The following PATJ variants were observed in gnomAD, a reference collection of about 807,000 sequenced individuals.
PATJ encodes PATJ crumbs cell polarity complex component.
PATJ carries 190 observed loss-of-function variants against 224.9 expected under a neutral mutation model. The observed-to-expected ratio is 0.84, with a 90% CI of 0.75 to 0.95. The LOEUF (loss-of-function observed/expected upper bound fraction) is 0.95. Ranked by LOEUF, PATJ falls within the 40% of genes least tolerant of loss-of-function variation. The probability of loss-of-function intolerance (pLI) is 0.00; values close to 1 mark genes in which losing one functional copy is unlikely to be tolerated. For synonymous variants in PATJ, 769 were observed against 820.3 expected (o/e 0.94, Z 1.07); for missense variants, 2,121 against 2,270.3 (o/e 0.93, Z 1.34).
At chr1:61,868,162 A>G (rs976593476) in intron 20 of PATJ, among the ~76,000 whole-genome samples, 7 of 152,254 alleles carry the variant, frequency 4.6e-5, no homozygotes, top group African/African-American at 1.7e-4. Context: ...CACAACACAC[A>G]ATTTACCATT....
chr1:61,906,875 T>G (rs368226952), intron 24 of PATJ, among the ~76,000 whole-genome samples: 1 of 152,152 alleles, frequency 6.6e-6, no homozygotes, highest in South Asian at 2.1e-4. Flanking sequence ...CAGTCTCCAG[T>G]TTTTATAAGT....
chr1:61,920,588 C>T (rs1383199313), intron 26 of PATJ, among the ~76,000 whole-genome samples: 2 of 152,002 alleles, frequency 1.3e-5, no homozygotes, highest in African/African-American at 4.8e-5. Flanking sequence ...TCACTGAAAC[C>T]ATGTTGACTT....
At chr1:61,872,738 A>T (rs551409311) in intron 20 of PATJ, among the ~76,000 whole-genome samples, 2 of 152,176 alleles carry the variant, frequency 1.3e-5, no homozygotes, top group African/African-American at 4.8e-5. Flanking sequence ...AAATACCCCT[A>T]AGGAAAATCC....
At chr1:62,094,558 A>AACACACACAC (rs58104906) in intron 33 of PATJ, among the ~76,000 whole-genome samples, 105 of 132,530 alleles carry the variant, frequency 7.9e-4, no homozygotes, top group African/African-American at 2.6e-3. Flanking sequence ...ATTCTGTCTC[A>AACACACACAC]ACACACACAC....
At chr1:61,815,893 T>G (rs1175438439) in intron 14 of PATJ, among the ~76,000 whole-genome samples, 6 of 152,174 alleles carry the variant, frequency 3.9e-5, no homozygotes, top group Non-Finnish European at 8.8e-5. Flanking sequence ...CTTTTAGGGA[T>G]GGCTTTCTTG....
intron 22 of PATJ, among the ~76,000 whole-genome samples, chr1:61,894,174 A>C (rs887478669): frequency 6.6e-6 from 1 of 151,832 alleles, no homozygotes; most frequent in African/African-American, 2.4e-5. Context: ...GAATGGCTTG[A>C]ACCTGGGAGG....
intron 27 of PATJ, among the ~76,000 whole-genome samples, chr1:61,961,652 A>G (rs1681298225): frequency 6.6e-6 from 1 of 152,168 alleles, no homozygotes; most frequent in Non-Finnish European, 1.5e-5. Context: ...ATGTGGAAAA[A>G]TGATATAAAG....
intron 41 of PATJ, among the ~76,000 whole-genome samples, chr1:62,139,972 G>T (rs982303818): frequency 2.6e-5 from 4 of 151,914 alleles, no homozygotes; most frequent in African/African-American, 7.3e-5. Context: ...GTTGCTCAGG[G>T]TGGTCTCGAA....
At chr1:61,935,884 G>A (rs1676788586) in intron 27 of PATJ, among the ~76,000 whole-genome samples, 1 of 151,662 alleles carries the variant, frequency 6.6e-6, no homozygotes, top group African/African-American at 2.4e-5. Context: ...AATTCTTATT[G>A]TTTTATTTCA....
intron 21 of PATJ, among the ~76,000 whole-genome samples, chr1:61,878,159 A>G (rs1667592157): frequency 1.3e-5 from 2 of 152,138 alleles, no homozygotes; most frequent in South Asian, 4.1e-4. Context: ...GGACATAGAG[A>G]ACCAGTTTCC....
At chr1:62,075,420 T>C (rs2148707731) in intron 31 of PATJ, among the ~76,000 whole-genome samples, 2 of 152,216 alleles carry the variant, frequency 1.3e-5, no homozygotes, top group South Asian at 4.2e-4. Flanking sequence ...CAATGATGGG[T>C]TTATTTATTT....
At chr1:62,075,597 G>C (rs1319656682) in intron 31 of PATJ, among the ~76,000 whole-genome samples, 1 of 152,136 alleles carries the variant, frequency 6.6e-6, no homozygotes, top group Non-Finnish European at 1.5e-5. Context: ...ATGAGGGCCT[G>C]ATGAAGTGTA....
At chr1:62,040,102 C>CCTCT in intron 30 of PATJ, among the ~76,000 whole-genome samples, 1 of 151,648 alleles carries the variant, frequency 6.6e-6, no homozygotes, top group South Asian at 2.1e-4. Flanking sequence ...TTTCTTTCTT[C>CCTCT]CTCTTTCTTC....
intron 28 of PATJ, among the ~76,000 whole-genome samples, chr1:62,011,136 C>T (rs1210908857): frequency 2.0e-5 from 3 of 152,208 alleles, no homozygotes; most frequent in Admixed American, 6.5e-5. Context: ...TAGGCCGTTT[C>T]GCTTTCTTAT....
chr1:61,940,361 C>A (rs1335385607), intron 27 of PATJ, among the ~76,000 whole-genome samples: 1 of 152,090 alleles, frequency 6.6e-6, no homozygotes, highest in Non-Finnish European at 1.5e-5. Context: ...CTAGCTACTG[C>A]TTTTTATTAT....
At chr1:61,961,104 G>A (rs1681208106) in intron 27 of PATJ, among the ~76,000 whole-genome samples, 1 of 152,096 alleles carries the variant, frequency 6.6e-6, no homozygotes, top group African/African-American at 2.4e-5. Context: ...AGTACCTTTG[G>A]GTGAGTTGGA....
At chr1:61,881,407 ATTTT>A (rs34051620) in intron 21 of PATJ, among the ~76,000 whole-genome samples, 2 of 110,082 alleles carry the variant, frequency 1.8e-5, no homozygotes. Flanking sequence ...TAAAACAGTT[ATTTT>A]TTTTTTTTTT....
At chr1:61,984,852 T>C (rs2149518245) in intron 27 of PATJ, among the ~76,000 whole-genome samples, 1 of 152,216 alleles carries the variant, frequency 6.6e-6, no homozygotes, top group Admixed American at 6.5e-5. Flanking sequence ...ACTAGTCATA[T>C]GCGTGCTTGT....
At chr1:61,817,834 T>C (rs998395231) in intron 14 of PATJ, among the ~76,000 whole-genome samples, 1 of 152,138 alleles carries the variant, frequency 6.6e-6, no homozygotes, top group Admixed American at 6.5e-5. Flanking sequence ...TCTTGAAAAG[T>C]TTGTTTTTTA....
Sources: allele counts gnomAD v4.1 joint callset (sites outside exome capture counted in the v4.1 genomes callset), GRCh38; gene constraint gnomAD v4.1.1; transcripts MANE v1.5; gene names NCBI Gene and HGNC (gene_info 2026-07-23, HGNC 2026-07-21).